The following KCNAB1 variants were observed in gnomAD, a reference collection of about 807,000 sequenced individuals.
KCNAB1 encodes the protein potassium voltage-gated channel subfamily A regulatory beta subunit 1.
In KCNAB1, 35 loss-of-function variants were observed where a neutral mutation model predicts 64.6. That is an observed-to-expected ratio of 0.54 (90% CI 0.41 to 0.72). The LOEUF is 0.72. Among genes scored for constraint, KCNAB1 ranks in the 30% least tolerant of loss-of-function variants. The pLI, the probability that KCNAB1 is intolerant of heterozygous loss-of-function variation, is 0.00. For missense variants in KCNAB1, 401 were observed against 512.9 expected (o/e 0.78, Z 2.11); for synonymous variants, 177 against 183.8 (o/e 0.96, Z 0.30).
intron 1 of KCNAB1, among the ~76,000 whole-genome samples, chr3:156,402,798 A>G (rs982671430): frequency 2.0e-5 from 3 of 152,246 alleles, no homozygotes; most frequent in Non-Finnish European, 2.9e-5. Flanking sequence ...GTAGTCAACA[A>G]AGATTATTCT....
At chr3:156,423,258 A>C (rs1048971900) in intron 2 of KCNAB1, among the ~76,000 whole-genome samples, 18 of 152,226 alleles carry the variant, frequency 1.2e-4, no homozygotes, top group Admixed American at 1.2e-3. Context: ...ACTTATGGGG[A>C]AATCCTTTTG....
intron 13 of KCNAB1, among the ~76,000 whole-genome samples, chr3:156,535,208 A>C (rs1344391902): frequency 6.6e-6 from 1 of 151,998 alleles, no homozygotes; most frequent in Non-Finnish European, 1.5e-5. Flanking sequence ...ATTTTGCCAA[A>C]CCCTAAGGCT....
At chr3:156,359,383 GA>G (rs776405679) in intron 1 of KCNAB1, among the ~76,000 whole-genome samples, 56 of 151,928 alleles carry the variant, frequency 3.7e-4, no homozygotes, top group Middle Eastern at 3.4e-3. Context: ...ATGAGTTTAA[GA>G]AAATGTGCAA....
At chr3:156,237,527 C>T (rs1252109252) in intron 1 of KCNAB1, among the ~76,000 whole-genome samples, 2 of 152,090 alleles carry the variant, frequency 1.3e-5, no homozygotes, top group Admixed American at 6.5e-5. Flanking sequence ...ACCCCCACCT[C>T]GCTCAACTAT....
At chr3:156,322,446 C>T (rs147437440) in intron 1 of KCNAB1, among the ~76,000 whole-genome samples, 169 of 152,252 alleles carry the variant, frequency 1.1e-3, no homozygotes, top group African/African-American at 3.9e-3. Context: ...TTTTTCTTGT[C>T]ATTATTCCCT....
intron 1 of KCNAB1, among the ~76,000 whole-genome samples, chr3:156,224,237 C>G (rs1176142518): frequency 6.6e-6 from 1 of 152,226 alleles, no homozygotes; most frequent in African/African-American, 2.4e-5. Context: ...CCCACTGAGC[C>G]CACGCCCACC....
In KCNAB1 at chr3:156,179,866, C is replaced by T. The variant is rs116791915; in HGVS notation, c.275+58980C>T. Among the ~76,000 whole-genome samples the T allele has an allele frequency of 2.2e-3, 337 of 152,184 alleles. 1 individual carries two copies. Among genetic ancestry groups the T allele is most frequent in the African/African-American group, 7.1e-3 (295 of 41,518 alleles). On this transcript the variant is annotated intron_variant, in intron 1 of 13. Transcript: ENST00000490337. ...TTCTTGACCATAGTTATGTTTTTAA[C>T]GTAAATCATCCTAGTGTAAGTAATA...
intron 1 of KCNAB1, among the ~76,000 whole-genome samples, chr3:156,277,594 A>AAAT (rs1246217952): frequency 1.3e-5 from 2 of 152,150 alleles, no homozygotes; most frequent in Non-Finnish European, 1.5e-5. Context: ...TTTAAGGGCT[A>AAAT]AATAATATTC....
At chr3:156,394,099 C>T (rs546967252) in intron 1 of KCNAB1, among the ~76,000 whole-genome samples, 3 of 152,164 alleles carry the variant, frequency 2.0e-5, no homozygotes, top group Admixed American at 6.5e-5. Flanking sequence ...CAATATGTAC[C>T]CTGCCCACTT....
At chr3:156,176,143 C>G in intron 1 of KCNAB1, 2 of 770,172 alleles carry the variant, frequency 2.6e-6, no homozygotes, top group Non-Finnish European at 4.9e-6. Flanking sequence ...ATCCCAGACA[C>G]GAACTGTATT....
intron 1 of KCNAB1, among the ~76,000 whole-genome samples, chr3:156,287,699 C>G (rs1307242677): frequency 6.6e-6 from 1 of 151,850 alleles, no homozygotes; most frequent in Admixed American, 6.6e-5. Context: ...CACCTGTAAT[C>G]CCAGCAACTC....
At chr3:156,529,079 C>T (rs1044813595) in intron 12 of KCNAB1, among the ~76,000 whole-genome samples, 3 of 152,024 alleles carry the variant, frequency 2.0e-5, no homozygotes, top group African/African-American at 7.3e-5. Flanking sequence ...GACAGCTGAA[C>T]CGGAGAAGAC....
chr3:156,364,713 G>C (rs1360158716), intron 1 of KCNAB1, among the ~76,000 whole-genome samples: 1 of 152,158 alleles, frequency 6.6e-6, no homozygotes, highest in Non-Finnish European at 1.5e-5. Flanking sequence ...GGGAGGTGGA[G>C]GTTCCGGTGA....
intron 1 of KCNAB1, among the ~76,000 whole-genome samples, chr3:156,363,706 G>A (rs1436551257): frequency 6.6e-6 from 1 of 152,200 alleles, no homozygotes; most frequent in Non-Finnish European, 1.5e-5. Flanking sequence ...TTAAACTCCT[G>A]ACCTCGTAAT....
chr3:156,502,112 C>T (rs1716486669), intron 8 of KCNAB1, among the ~76,000 whole-genome samples: 1 of 152,032 alleles, frequency 6.6e-6, no homozygotes, highest in Non-Finnish European at 1.5e-5. Context: ...ATATCAGATG[C>T]CAATTCTGCT....
intron 1 of KCNAB1, among the ~76,000 whole-genome samples, chr3:156,260,214 A>T (rs933256934): frequency 2.0e-5 from 3 of 152,222 alleles, no homozygotes; most frequent in Admixed American, 6.5e-5. Context: ...CTTTAAAAAA[A>T]TAAACCTTCT....
At chr3:156,466,186 T>C (rs1414095343) in intron 7 of KCNAB1, among the ~76,000 whole-genome samples, 5 of 152,144 alleles carry the variant, frequency 3.3e-5, no homozygotes, top group African/African-American at 4.8e-5. Context: ...ACTTTTTATC[T>C]CTATAGATTT....
chr3:156,230,241 A>G (rs1226230940), intron 1 of KCNAB1, among the ~76,000 whole-genome samples: 1 of 152,236 alleles, frequency 6.6e-6, no homozygotes, highest in African/African-American at 2.4e-5. Context: ...ATATATGATC[A>G]TGGTCTCATA....
chr3:156,184,257 G>A (rs949397606), intron 1 of KCNAB1, among the ~76,000 whole-genome samples: 6 of 152,110 alleles, frequency 3.9e-5, no homozygotes, highest in African/African-American at 1.2e-4. Context: ...CCTCTATTCC[G>A]TAACCACCTT....
Sources: allele counts gnomAD v4.1 joint callset (sites outside exome capture counted in the v4.1 genomes callset), GRCh38; gene constraint gnomAD v4.1.1; transcripts MANE v1.5; gene names NCBI Gene and HGNC (gene_info 2026-07-23, HGNC 2026-07-21).